Variants in TMEM183A observed in about 807,000 individuals in gnomAD.
TMEM183A encodes the protein transmembrane protein 183A.
A neutral mutation model predicts 46.7 loss-of-function variants in TMEM183A; 21 were observed. The ratio of observed to expected loss-of-function variants is 0.45; its 90% CI spans 0.32 to 0.65. The LOEUF is 0.65. Among genes scored for constraint, TMEM183A ranks in the 30% least tolerant of loss-of-function variants. The pLI, the probability that TMEM183A is intolerant of heterozygous loss-of-function variation, is 0.04. For synonymous variants in TMEM183A, 165 were observed against 180.2 expected (o/e 0.92, Z 0.68); for missense variants, 331 against 481.9 (o/e 0.69, Z 2.93).
chr1:203,007,927 G>A, intron 2 of TMEM183A, 64 bp downstream of exon 2: 1 of 1,589,788 alleles, frequency 6.3e-7, no homozygotes, highest in Non-Finnish European at 8.6e-7. Flanking sequence ...TTTTATTTCT[G>A]TTTTTCTTGC....
At position 203,007,427 on chromosome 1, in the gene TMEM183A, T is replaced by G. The variant is rs1415187013; in HGVS notation, c.-39T>G. ...GGATGGCCGCGGAGCCGGGCGGAGCTGGCTTGCGGCTCCCGGGGCCGGCTC... is the reference window on the plus strand; with the variant it reads ...GGATGGCCGCGGAGCCGGGCGGAGCGGGCTTGCGGCTCCCGGGGCCGGCTC... On this transcript the variant is annotated 5_prime_UTR_variant, in exon 1 of 8. Coordinates refer to ENST00000367242, the MANE Select transcript of TMEM183A (RefSeq NM_138391.6). 3.6e-6 allele frequency: 5 copies of G among 1,386,000 alleles called. No homozygotes were observed. The African/African-American group carries it at 7.6e-5, about 21-fold the overall frequency. 85.9% of individuals were successfully genotyped at this position (1,386,000 alleles called of 1,614,324 possible).
At position 203,008,766 on chromosome 1, in the gene TMEM183A, A is replaced by G. The variant is rs140154702; in HGVS notation, c.323A>G (p.His108Arg). 9 of 1,609,144 alleles carry G rather than the reference A, an allele frequency of 5.6e-6. No individual in the cohort carries two copies. Among genetic ancestry groups the G allele is most frequent in the South Asian group, 1.1e-5 (1 of 90,232 alleles). Residue 108 changes from histidine (H) to arginine (R), a missense_variant, in exon 3 of 8, where the codon CAT becomes CGT. Physicochemically the swap from His to Arg is conservative, Grantham distance 29. Coordinates refer to ENST00000367242, the MANE Select transcript of TMEM183A (RefSeq NM_138391.6). Reference protein sequence around the residue: ...DEMDAQEESIHERTVSRKKKS... With the variant: ...DEMDAQEESIRERTVSRKKKS... ...ATGGATGCCCAGGAGGAAAGCATCC[A>G]TGAGAGAACTGTCTCCAGAAAAAAG...
intron 7 of TMEM183A, among the ~76,000 whole-genome samples, chr1:203,021,244 C>T (rs1657654402): frequency 6.6e-6 from 1 of 152,084 alleles, no homozygotes; most frequent in Non-Finnish European, 1.5e-5. Context: ...GTTGCTGAGG[C>T]TTGTCTCAGA....
chr1:203,011,532 G>A (rs542398792), intron 3 of TMEM183A, among the ~76,000 whole-genome samples: 51 of 151,980 alleles, frequency 3.4e-4, no homozygotes, highest in African/African-American at 1.2e-3. Context: ...TCAGCCTCCC[G>A]AGTAGCTGGG....
At position 203,016,094 on chromosome 1, in the gene TMEM183A, A is replaced by G; in HGVS notation, c.662A>G (p.Asn221Ser). ...YEPFAARISKNPAIPESTPST... is the reference protein window; with the variant it reads ...YEPFAARISKSPAIPESTPST... Reference sequence around the variant, plus strand: ...CCATTTGCTGCTCGAATCTCCAAGAATCCAGCCATTCCAGAAAGCACCCCC... The same window carrying G: ...CCATTTGCTGCTCGAATCTCCAAGAGTCCAGCCATTCCAGAAAGCACCCCC... Residue 221 changes from asparagine (N) to serine (S), a missense_variant, in exon 5 of 8, where the codon AAT (asparagine) becomes AGT (serine). This residue lies in a region of TMEM183A where 233 missense variants were observed against 385.8 expected (regional missense o/e 0.60). Coordinates refer to ENST00000367242, the MANE Select transcript of TMEM183A (RefSeq NM_138391.6). 1 of 1,614,232 alleles carries G rather than the reference A, an allele frequency of 6.2e-7. No homozygotes were observed. Among genetic ancestry groups the G allele is most frequent in the South Asian group, 1.1e-5 (1 of 91,088 alleles).
chr1:203,015,827 A>G, intron 4 of TMEM183A, 133 bp from the exon 5 acceptor site: 1 of 1,146,758 alleles, frequency 8.7e-7, no homozygotes, highest in Non-Finnish European at 1.2e-6. Flanking sequence ...GTCAAGTAGC[A>G]CTGGGGACAG....
chr1:203,020,831 G>A lies in TMEM183A; in HGVS notation c.828G>A (p.Gln276=). The A allele has an allele frequency of 1.2e-6, 2 of 1,613,974 alleles. No individual in the cohort carries two copies. Among genetic ancestry groups the A allele is most frequent in the Non-Finnish European group, 1.7e-6 (2 of 1,179,938 alleles). The part of the protein sequence containing the change: ...RLKSKCTGGL[Q]PPVQYEDVHT... ...AGAGCAAGTGTACAGGAGGATTGCA[G>A]CCTCCCGTTCAGTACGAAGATGTTC... The change falls in exon 7 of 8, where the codon CAG becomes CAA. Residue 276 remains glutamine, a synonymous_variant. Coordinates refer to ENST00000367242, the MANE Select transcript of TMEM183A (RefSeq NM_138391.6).
chr1:203,008,734 T>C lies in TMEM183A; in HGVS notation c.291T>C (p.Ser97=). 1 of 1,610,422 alleles carries C rather than the reference T, an allele frequency of 6.2e-7. No homozygotes were observed. The highest frequency in any genetic ancestry group is 8.5e-7 in the Non-Finnish European group (1 of 1,178,370). The change falls in exon 3 of 8, where the codon AGT becomes AGC. Residue 97 remains serine, a synonymous_variant. Coordinates refer to ENST00000367242, the MANE Select transcript of TMEM183A (RefSeq NM_138391.6). ...AGEPCDIIDS[S]DEMDAQEESI... ...AGCCCTGTGACATCATCGACAGCAG[T>C]GATGAGATGGATGCCCAGGAGGAAA...
chr1:203,012,185 C>CACACACAT (rs60471086), intron 3 of TMEM183A, among the ~76,000 whole-genome samples: 1 of 114,794 alleles, frequency 8.7e-6, no homozygotes. Flanking sequence ...CACACACACA[C>CACACACAT]GGTTATTTTG....
At chr1:203,018,170 G>C (rs1424881756) in intron 5 of TMEM183A, among the ~76,000 whole-genome samples, 1 of 152,212 alleles carries the variant, frequency 6.6e-6, no homozygotes, top group Non-Finnish European at 1.5e-5. Flanking sequence ...CAGAGAGGAT[G>C]CTCCAGTCTC....
At chr1:203,021,257 C>T (rs1289331074) in intron 7 of TMEM183A, among the ~76,000 whole-genome samples, 2 of 152,070 alleles carry the variant, frequency 1.3e-5, no homozygotes, top group East Asian at 1.9e-4. Flanking sequence ...GTCTCAGACT[C>T]CTAGCCTCAA....
intron 3 of TMEM183A, among the ~76,000 whole-genome samples, chr1:203,009,535 G>A (rs1656345492): frequency 6.6e-6 from 1 of 152,156 alleles, no homozygotes; most frequent in South Asian, 2.1e-4. Context: ...GGGCTGGAGT[G>A]TAGTGGAAAG....
intron 5 of TMEM183A, 83 bp downstream of exon 5, chr1:203,016,223 G>A (rs748132789): frequency 6.3e-7 from 1 of 1,593,794 alleles, no homozygotes; most frequent in Non-Finnish European, 8.5e-7. Flanking sequence ...CAGCTTCCTT[G>A]ATGGGGAGGG....
At chr1:203,011,395 ATCT>A (rs1371214805) in intron 3 of TMEM183A, among the ~76,000 whole-genome samples, 5 of 151,992 alleles carry the variant, frequency 3.3e-5, no homozygotes, top group African/African-American at 7.2e-5. Flanking sequence ...AAATTGGGTT[ATCT>A]TCTTCTTATT....
intron 7 of TMEM183A, among the ~76,000 whole-genome samples, chr1:203,022,130 G>A (rs536592099): frequency 2.0e-5 from 3 of 152,082 alleles, no homozygotes; most frequent in Admixed American, 6.5e-5. Flanking sequence ...GCCGTGGTGC[G>A]CAGTCTCGGC....
At position 203,015,045 on chromosome 1, in the gene TMEM183A, G is replaced by A. The variant is rs756406896; in HGVS notation, c.524G>A (p.Arg175Gln). Residue 175 changes from arginine to glutamine, a missense_variant, in exon 4 of 8, where the codon CGA becomes CAA. Arg to Gln is a conservative substitution (Grantham distance 43). Around this residue, in one of 2 missense-constraint regions of TMEM183A, gnomAD observed 233 missense variants for 385.8 expected, o/e 0.60. Coordinates refer to ENST00000367242, the MANE Select transcript of TMEM183A (RefSeq NM_138391.6). Reference protein sequence around the residue: ...CTAAFWTRLYRRHYTLDASLP... With the variant: ...CTAAFWTRLYQRHYTLDASLP... ...GCTGCCTTTTGGACCAGGTTGTACC[G>A]AAGGTGCGACCACAGAGAGCTCACT... 5 of 1,611,464 alleles carry A rather than the reference G, an allele frequency of 3.1e-6. No homozygotes were observed. Among genetic ancestry groups the A allele is most frequent in the South Asian group, 2.2e-5 (2 of 91,034 alleles).
intron 7 of TMEM183A, 34 bp downstream of exon 7, chr1:203,020,982 C>CTTTT: frequency 5.2e-5 from 64 of 1,232,952 alleles, no homozygotes; most frequent in South Asian, 1.6e-4. Context: ...TTCTCAGCTC[C>CTTTT]TTTTTTTTTT....
In TMEM183A at chr1:203,023,521, A is replaced by G. The variant is rs147193924; in HGVS notation, c.*481A>G. On this transcript the variant is annotated 3_prime_UTR_variant, in exon 8 of 8. Coordinates refer to ENST00000367242, the MANE Select transcript of TMEM183A (RefSeq NM_138391.6). ...CCCTTCTCCAGAAATAAAGCAGGTG[A>G]CAGGGTTTTCAGAATCTTACCATAT... 6.5e-6 allele frequency: 1 copy of G among 152,986 alleles called. No homozygotes were observed. The highest frequency in any genetic ancestry group is 2.4e-5 in the African/African-American group (1 of 41,574). 9.5% of individuals were successfully genotyped at this position (152,986 alleles called of 1,614,324 possible).
chr1:203,010,993 T>A lies in TMEM183A; in HGVS notation c.367+2183T>A, dbSNP rs188067677. Among the ~76,000 whole-genome samples, 28 of 152,376 alleles carry A rather than the reference T, an allele frequency of 1.8e-4. No individual in the cohort carries two copies. The East Asian group carries it at 5.2e-3, about 28-fold the overall frequency. ...AGCTTCTTTCATTTAGCATAATGTT[T>A]TCAAGGTTCATCCATACTATGCATG... On this transcript the variant is annotated intron_variant, in intron 3 of 7. Transcript: ENST00000367242.
Sources: gnomAD v4.1 joint callset for allele counts (sites outside exome capture counted in the v4.1 genomes callset) on GRCh38, gnomAD v4.1.1 for gene constraint, gnomAD v4.1.1 regional missense constraint, MANE v1.5 for transcripts, NCBI Gene and HGNC (gene_info 2026-07-23, HGNC 2026-07-21) for gene names.